AGO2: variants seen among roughly 807,000 people sequenced by gnomAD.
AGO2 encodes argonaute RISC catalytic component 2.
In AGO2, 5 loss-of-function variants were observed where a neutral mutation model predicts 102.3. The ratio of observed to expected loss-of-function variants is 0.05; its 90% CI spans 0.03 to 0.10. The LOEUF (loss-of-function observed/expected upper bound fraction) is 0.10. Among genes scored for constraint, AGO2 ranks in the 10% least tolerant of loss-of-function variants. The pLI is 1.00. For synonymous variants in AGO2, 449 were observed against 473.1 expected, an observed-to-expected ratio of 0.95 and a Z score of 0.66; for missense variants, 541 against 1,183.7, an observed-to-expected ratio of 0.46 and a Z score of 7.97.
At position 140,567,730 on chromosome 8, in the gene AGO2, C is replaced by T. The variant is rs2073310422; in HGVS notation, c.336+5082G>A. On this transcript the variant is annotated intron_variant, in intron 3 of 18. Transcript: ENST00000220592. This position sits in a 1 kb window ranked among gnomAD's most constrained non-coding sequence, Gnocchi z 5.0. ...CAAGCCAAACCCGCAGGCTGGCCTC[C>T]CTGTCCGGAAATCCTCAGGGCGAGA... Among the ~76,000 whole-genome samples, 1 of 152,230 alleles carries T rather than the reference C, an allele frequency of 6.6e-6. No individual in the cohort carries two copies. The highest frequency in any genetic ancestry group is 1.5e-5 in the Non-Finnish European group (1 of 68,040).
At chr8:140,620,630 T>G (rs1237009405) in intron 1 of AGO2, among the ~76,000 whole-genome samples, 1 of 152,120 alleles carries the variant, frequency 6.6e-6, no homozygotes, top group Non-Finnish European at 1.5e-5. Context: ...TTTAGGAGGC[T>G]GAGGCAGGCA....
chr8:140,596,890 C>T (rs4961271), intron 1 of AGO2, among the ~76,000 whole-genome samples: 119,931 of 152,054 alleles, frequency 0.79, 47,593 homozygotes, highest in Admixed American at 0.83. Flanking sequence ...CTGCGAGACA[C>T]AACCCTGTCC....
At chr8:140,617,976 C>A (rs1480356350) in intron 1 of AGO2, among the ~76,000 whole-genome samples, 2 of 151,816 alleles carry the variant, frequency 1.3e-5, no homozygotes, top group Non-Finnish European at 2.9e-5. Context: ...CCACTGCACT[C>A]CAGCCTGGGC....
In AGO2 at chr8:140,539,467, G is replaced by C; in HGVS notation, c.2035-13C>G. 1 of 1,606,226 alleles carries C rather than the reference G, an allele frequency of 6.2e-7. No homozygotes were observed. Among genetic ancestry groups the C allele is most frequent in the East Asian group, 2.2e-5 (1 of 44,802 alleles). ...CGTGGTGGAGAACCTAGGGGTACGG[G>C]AGGGAGGAGGTTGTGCTTAAAGATG... is the stretch of plus-strand genomic sequence containing the variant. On this transcript the variant is annotated splice_polypyrimidine_tract_variant and intron_variant, in intron 15 of 18. Coordinates refer to ENST00000220592, the MANE Select transcript of AGO2 (RefSeq NM_012154.5). The surrounding 1 kb of genome is among the most constrained non-coding windows in gnomAD (Gnocchi z 4.7).
Position 140,585,207 on chromosome 8 carries a change from T to C in AGO2, c.127A>G (p.Asn43Asp). ...TTGGGGATGTCCATTTCGAAGAAAT[T>C]GGCCTGTAATTTGATTGTTCTCCCG... ...TSGRTIKLQA[N>D]FFEMDIPKID... Residue 43 changes from asparagine to aspartate, a missense_variant, in exon 2 of 19, where the codon AAT becomes GAT. Asn to Asp is a conservative substitution (Grantham distance 23). Around this residue, in one of 6 missense-constraint regions of AGO2, gnomAD observed 147 missense variants for 204.1 expected, o/e 0.72. Coordinates refer to ENST00000220592, the MANE Select transcript of AGO2 (RefSeq NM_012154.5). 6.2e-7 allele frequency: 1 copy of C among 1,614,222 alleles called. No individual in the cohort carries two copies. The highest frequency in any genetic ancestry group is 2.2e-5 in the East Asian group (1 of 44,888).
intron 1 of AGO2, among the ~76,000 whole-genome samples, chr8:140,618,001 G>A (rs1297650729): frequency 1.4e-5 from 2 of 143,906 alleles, no homozygotes; most frequent in African/African-American, 5.2e-5. Context: ...GAGTGAGACC[G>A]TCTACAAAAA....
intron 17 of AGO2, among the ~76,000 whole-genome samples, chr8:140,534,800 A>C (rs2072666355): frequency 6.6e-6 from 1 of 152,208 alleles, no homozygotes. Flanking sequence ...ACGGCACGTG[A>C]CTAAGGTTCC....
At chr8:140,609,464 GC>G (rs1185696786) in intron 1 of AGO2, among the ~76,000 whole-genome samples, 4 of 152,208 alleles carry the variant, frequency 2.6e-5, no homozygotes, top group African/African-American at 9.6e-5. Flanking sequence ...CAGCAGGTCG[GC>G]ACGGCGGCCC....
intron 1 of AGO2, among the ~76,000 whole-genome samples, chr8:140,608,218 T>C (rs1006337212): frequency 6.6e-6 from 1 of 152,148 alleles, no homozygotes; most frequent in African/African-American, 2.4e-5. Context: ...GAGGTGGATG[T>C]TACACTTGGC....
rs1029650147 is a variant in AGO2 at position 140,528,095 on chromosome 8, T to C, written c.*3949A>G. 1.3e-5 allele frequency: 2 copies of C among 152,174 alleles called. No homozygotes were observed. Among genetic ancestry groups the C allele is most frequent in the African/African-American group, 4.8e-5 (2 of 41,446 alleles). The allele number at this position is 152,174 out of a possible 1,614,324, so 9.4% of individuals were successfully genotyped here. ...AAAACTGCCTTGTAAAAATAAAATT[T>C]AAACCACCCCGCAGATCAATGTAAA... On this transcript the variant is annotated 3_prime_UTR_variant, in exon 19 of 19. Coordinates refer to ENST00000220592, the MANE Select transcript of AGO2 (RefSeq NM_012154.5). The surrounding 1 kb of genome is among the most constrained non-coding windows in gnomAD (Gnocchi z 4.5).
intron 1 of AGO2, among the ~76,000 whole-genome samples, chr8:140,590,922 C>CCCCGG (rs1296485457): frequency 6.6e-6 from 1 of 152,198 alleles, no homozygotes; most frequent in Non-Finnish European, 1.5e-5. Flanking sequence ...ATGGCCCCTA[C>CCCCGG]CCCTCCTCCT....
chr8:140,594,415 T>A (rs1038945672), intron 1 of AGO2, among the ~76,000 whole-genome samples: 30 of 151,972 alleles, frequency 2.0e-4, no homozygotes, highest in African/African-American at 7.2e-4. Context: ...AGTTTTGGGG[T>A]GGGAATGCTC....
chr8:140,594,318 AT>A (rs1564105744), intron 1 of AGO2, among the ~76,000 whole-genome samples: 1 of 152,264 alleles, frequency 6.6e-6, no homozygotes, highest in African/African-American at 2.4e-5. Context: ...TACAAAATAA[AT>A]TTCAAATAGA....
chr8:140,572,953 G>A lies in AGO2; in HGVS notation c.216-21C>T, dbSNP rs182770672. 6.1e-4 allele frequency: 971 copies of A among 1,586,912 alleles called. 2 individuals are homozygous for A. Among genetic ancestry groups the A allele is most frequent in the African/African-American group, 3.0e-3 (219 of 73,766 alleles). ...TTTCCCTGAAACAAAGACAAAAGTC[G>A]GGCAAAATGTCAATAAAATGGAGAA... On this transcript the variant is annotated intron_variant, in intron 2 of 18. Transcript: ENST00000220592.
intron 1 of AGO2, among the ~76,000 whole-genome samples, chr8:140,601,369 C>G (rs1013217763): frequency 6.6e-6 from 1 of 152,214 alleles, no homozygotes; most frequent in African/African-American, 2.4e-5. Flanking sequence ...AGCACCCCCC[C>G]GCCGCTGTGC....
At chr8:140,532,207 G>A (rs1049517414) in intron 18 of AGO2, 55 bp from the exon 19 acceptor site, 7 of 1,526,342 alleles carry the variant, frequency 4.6e-6, no homozygotes, top group Non-Finnish European at 5.4e-6. Flanking sequence ...TGCACGATGA[G>A]GCAGTGCGTC....
At chr8:140,551,140 C>T (rs878869375) in intron 11 of AGO2, among the ~76,000 whole-genome samples, 163 bp downstream of exon 11, 4 of 152,280 alleles carry the variant, frequency 2.6e-5, no homozygotes, top group South Asian at 2.1e-4. Flanking sequence ...TGCCCTGGCC[C>T]GGCCAATGGT....
chr8:140,542,733 G>A (rs1341469256), intron 14 of AGO2, among the ~76,000 whole-genome samples: 1 of 152,238 alleles, frequency 6.6e-6, no homozygotes, highest in Admixed American at 6.5e-5. Context: ...CCCAGCTGCA[G>A]GACCCTCGGG....
intron 2 of AGO2, among the ~76,000 whole-genome samples, chr8:140,580,634 C>T (rs1032961034): frequency 3.3e-4 from 50 of 152,224 alleles, no homozygotes; most frequent in Admixed American, 1.3e-3. Flanking sequence ...CACCACTGCA[C>T]CCCCAGGGCA....
Sources: gnomAD v4.1 joint callset for allele counts (sites outside exome capture counted in the v4.1 genomes callset) on GRCh38, gnomAD v4.1.1 for gene constraint, gnomAD v4.1.1 regional missense constraint, Gnocchi (gnomAD v3.1) non-coding constraint, MANE v1.5 for transcripts, NCBI Gene and HGNC (gene_info 2026-07-23, HGNC 2026-07-21) for gene names.